MPZL1: variants seen among roughly 807,000 people sequenced by gnomAD.
MPZL1 encodes myelin protein zero-like protein 1.
Under a neutral mutation model 29.3 loss-of-function variants are expected in MPZL1, and 16 were observed. That is an observed-to-expected ratio of 0.55 (90% CI 0.37 to 0.83). The LOEUF (loss-of-function observed/expected upper bound fraction) is 0.83. MPZL1 is among the 40% of genes least tolerant of loss of function. MPZL1 has a pLI of 0.00. For synonymous variants in MPZL1, 143 were observed against 132.0 expected (o/e 1.08, Z -0.57); for missense variants, 279 against 332.9 (o/e 0.84, Z 1.26).
chr1:167,779,986 G>A (rs1244827939), intron 5 of MPZL1, among the ~76,000 whole-genome samples: 1 of 152,154 alleles, frequency 6.6e-6, no homozygotes. Flanking sequence ...TGATGATAAA[G>A]CGATCTACTT....
chr1:167,775,754 C>A (rs1661352537), intron 4 of MPZL1, among the ~76,000 whole-genome samples: 1 of 152,090 alleles, frequency 6.6e-6, no homozygotes, highest in Non-Finnish European at 1.5e-5. Context: ...AGACAAACAG[C>A]AAAAGGATAA....
chr1:167,767,130 T>C lies in MPZL1; in HGVS notation c.258+1381T>C, dbSNP rs529455442. On this transcript the variant is annotated intron_variant, in intron 2 of 5. Transcript: ENST00000359523. The stretch of plus-strand genomic sequence containing the variant: ...AATCTCCCCTATGGAGAATGCATAG[T>C]CTAGAGGTCTTTATAAGAGAGGCCT... 1.4e-4 allele frequency among the ~76,000 whole-genome samples: 22 copies of C among 152,316 alleles called. No individual in the cohort carries two copies. The East Asian group carries it at 4.1e-3, about 28-fold the overall frequency.
At chr1:167,734,147 T>G (rs1660328480) in intron 1 of MPZL1, among the ~76,000 whole-genome samples, 1 of 151,330 alleles carries the variant, frequency 6.6e-6, no homozygotes, top group Admixed American at 6.6e-5. Flanking sequence ...TCCCAGCTAC[T>G]CGGGAGGCTG....
chr1:167,778,517 G>A lies in MPZL1; in HGVS notation c.708+2351G>A, dbSNP rs4657712. Among the ~76,000 whole-genome samples the A allele has an allele frequency of 3.7e-3, 552 of 147,256 alleles. 4 individuals carry two copies. Among genetic ancestry groups the A allele is most frequent in the South Asian group, 0.034 (159 of 4,688 alleles). ...AAATAAATAGATGGGTGGAAAGAAG[G>A]AAGGAAGGATGGATGGATGGATGGA... is the stretch of plus-strand genomic sequence containing the variant. On this transcript the variant is annotated intron_variant, in intron 5 of 5. Coordinates refer to ENST00000359523, the MANE Select transcript of MPZL1 (RefSeq NM_003953.6).
intron 1 of MPZL1, among the ~76,000 whole-genome samples, chr1:167,762,171 T>G (rs1341470145): frequency 6.6e-6 from 1 of 152,000 alleles, no homozygotes; most frequent in Non-Finnish European, 1.5e-5. Context: ...TTGTCACAAC[T>G]GGAGGCAGAG....
At chr1:167,765,829 G>C in intron 2 of MPZL1, 80 bp downstream of exon 2, 1 of 1,315,108 alleles carries the variant, frequency 7.6e-7, no homozygotes, top group Admixed American at 2.6e-5. Flanking sequence ...CCATTTTTCT[G>C]ATGGTTCATT....
chr1:167,760,747 C>CTGTGTGTGTGTGTGTGTGTG (rs58963124), intron 1 of MPZL1, among the ~76,000 whole-genome samples: 1 of 120,108 alleles, frequency 8.3e-6, no homozygotes. Flanking sequence ...GTTGAATAGG[C>CTGTGTGTGTGTGTGTGTGTG]TGTGTGTGTG....
intron 2 of MPZL1, among the ~76,000 whole-genome samples, chr1:167,769,212 C>T (rs1185460686): frequency 2.0e-5 from 3 of 152,126 alleles, no homozygotes; most frequent in Non-Finnish European, 4.4e-5. Context: ...GGGTCTTTCA[C>T]GTTTTTGCAC....
At chr1:167,742,109 A>G (rs1266188816) in intron 1 of MPZL1, among the ~76,000 whole-genome samples, 1 of 151,982 alleles carries the variant, frequency 6.6e-6, no homozygotes, top group African/African-American at 2.4e-5. Flanking sequence ...CCTGGCCAAC[A>G]TGGCAAAACC....
intron 5 of MPZL1, among the ~76,000 whole-genome samples, chr1:167,776,734 A>C (rs926646901): frequency 6.6e-6 from 1 of 152,240 alleles, no homozygotes; most frequent in Non-Finnish European, 1.5e-5. Context: ...GTTAGCATAT[A>C]ATCTAGCTTT....
intron 1 of MPZL1, among the ~76,000 whole-genome samples, chr1:167,754,535 T>C (rs1472983989): frequency 6.6e-6 from 1 of 152,210 alleles, no homozygotes; most frequent in Non-Finnish European, 1.5e-5. Flanking sequence ...AAGTGTGTTA[T>C]TGATTAAGAA....
At chr1:167,743,873 C>T (rs1660589243) in intron 1 of MPZL1, among the ~76,000 whole-genome samples, 1 of 152,064 alleles carries the variant, frequency 6.6e-6, no homozygotes, top group African/African-American at 2.4e-5. Flanking sequence ...TTGACTTCCT[C>T]TTTACTGATT....
intron 1 of MPZL1, among the ~76,000 whole-genome samples, chr1:167,743,508 C>T (rs113341780): frequency 2.9e-3 from 444 of 150,810 alleles, no homozygotes; most frequent in African/African-American, 9.9e-3. Flanking sequence ...GCCTGGCCTT[C>T]GCAATATTAA....
chr1:167,747,241 G>A (rs888946412), intron 1 of MPZL1, among the ~76,000 whole-genome samples: 2 of 152,116 alleles, frequency 1.3e-5, no homozygotes, highest in Non-Finnish European at 2.9e-5. Flanking sequence ...TTATTTTTGA[G>A]ACAGGGCCTC....
At chr1:167,774,707 T>G (rs984924430) in intron 4 of MPZL1, 2 of 152,230 alleles carry the variant, frequency 1.3e-5, no homozygotes, top group Non-Finnish European at 2.9e-5. Flanking sequence ...TTGGTTTTTT[T>G]CCTCCTCCTC....
chr1:167,767,271 T>G (rs1446451943), intron 2 of MPZL1, among the ~76,000 whole-genome samples: 1 of 152,228 alleles, frequency 6.6e-6, no homozygotes, highest in Non-Finnish European at 1.5e-5. Context: ...CATACACTAA[T>G]GTTCCCATAG....
intron 5 of MPZL1, among the ~76,000 whole-genome samples, chr1:167,779,470 A>G (rs1327861795): frequency 1.3e-5 from 2 of 152,106 alleles, no homozygotes; most frequent in Non-Finnish European, 2.9e-5. Flanking sequence ...CTGTAATCCC[A>G]GCTACTTGGG....
Position 167,788,870 on chromosome 1 carries a change from C to T in MPZL1, c.*949C>T, listed in dbSNP as rs1661646643. On this transcript the variant is annotated 3_prime_UTR_variant, in exon 6 of 6. Transcript: ENST00000359523. ...CAGAGCTCGCTCTCTAGAGAATCACCTTCTTTCGCTTTTTTTTTTTTTTTT... is the reference window on the plus strand; with the variant it reads ...CAGAGCTCGCTCTCTAGAGAATCACTTTCTTTCGCTTTTTTTTTTTTTTTT... 1 of 124,264 alleles carries T rather than the reference C, an allele frequency of 8.0e-6. No individual in the cohort carries two copies. The highest frequency in any genetic ancestry group is 2.5e-4 in the East Asian group (1 of 4,070). The allele number at this position is 124,264 out of a possible 1,614,324, so 7.7% of individuals were successfully genotyped here.
chr1:167,767,521 G>A (rs541531947), intron 2 of MPZL1, among the ~76,000 whole-genome samples: 1 of 152,272 alleles, frequency 6.6e-6, no homozygotes, highest in African/African-American at 2.4e-5. Context: ...AATATTTTTA[G>A]CTAATCAATT....
Sources: allele counts gnomAD v4.1 joint callset (sites outside exome capture counted in the v4.1 genomes callset), GRCh38; gene constraint gnomAD v4.1.1; transcripts MANE v1.5; gene names NCBI Gene and HGNC (gene_info 2026-07-23, HGNC 2026-07-21).